Variants in ETFA observed in about 807,000 individuals in gnomAD.
ETFA encodes the protein electron transfer flavoprotein subunit alpha, mitochondrial.
Under a neutral mutation model 46.2 loss-of-function variants are expected in ETFA, and 22 were observed. The observed-to-expected ratio is 0.48, with a 90% CI of 0.34 to 0.68. The LOEUF is 0.68. Among genes scored for constraint, ETFA ranks in the 30% least tolerant of loss-of-function variants. The pLI is 0.01. For missense variants in ETFA, 345 were observed against 401.1 expected (o/e 0.86, Z 1.19); for synonymous variants, 131 against 139.9 (o/e 0.94, Z 0.45).
At chr15:76,305,862 G>GC (rs1332057753) in intron 1 of ETFA, among the ~76,000 whole-genome samples, 2 of 143,774 alleles carry the variant, frequency 1.4e-5, no homozygotes, top group African/African-American at 5.1e-5. Flanking sequence ...CTCAATAGTT[G>GC]TTTTTTTTTT....
chr15:76,289,972 A>C (rs2039743241), intron 4 of ETFA, among the ~76,000 whole-genome samples: 1 of 152,250 alleles, frequency 6.6e-6, no homozygotes, highest in Non-Finnish European at 1.5e-5. Context: ...AAGGCTCATG[A>C]AATTATTTAA....
rs1029010031 is a variant in ETFA at position 76,310,906 on chromosome 15, T to G, written c.39+444A>C. 3.0e-5 allele frequency among the ~76,000 whole-genome samples: 4 copies of G among 132,438 alleles called. No individual in the cohort carries two copies. The Admixed American group carries it at 3.2e-4, about 11-fold the overall frequency. The allele number at this position is 132,438 out of a possible 152,430, so 86.9% of individuals were successfully genotyped here. A position where few individuals can be genotyped will look rare whatever the true frequency, so the allele number is the denominator to read the frequency against. On this transcript the variant is annotated intron_variant, in intron 1 of 11. Coordinates refer to ENST00000557943, the MANE Select transcript of ETFA (RefSeq NM_000126.4). ...CGGAGTAGCCACGATGCGCCCAAAG[T>G]GTTTAATTCTTCCAGAAATGCCGGC...
chr15:76,253,410 T>C (rs1430392713), intron 9 of ETFA, among the ~76,000 whole-genome samples: 1 of 152,196 alleles, frequency 6.6e-6, no homozygotes, highest in Non-Finnish European at 1.5e-5. Flanking sequence ...TTGTGTCCCC[T>C]TACTTTATGA....
intron 9 of ETFA, among the ~76,000 whole-genome samples, chr15:76,262,683 C>T (rs527780769): frequency 6.6e-5 from 10 of 151,892 alleles, no homozygotes; most frequent in Non-Finnish European, 1.0e-4. Flanking sequence ...GGGGTTTCAC[C>T]GTGTAATCCA....
intron 9 of ETFA, among the ~76,000 whole-genome samples, chr15:76,233,244 G>A (rs1290029980): frequency 6.6e-6 from 1 of 150,552 alleles, no homozygotes; most frequent in African/African-American, 2.4e-5. Flanking sequence ...ACATCATACT[G>A]TCTCTCAGAC....
intron 2 of ETFA, among the ~76,000 whole-genome samples, chr15:76,293,648 T>C (rs563231281): frequency 6.6e-6 from 1 of 152,342 alleles, no homozygotes; most frequent in South Asian, 2.1e-4. Context: ...CATACTATCG[T>C]CTTCTGTCTC....
At chr15:76,249,555 C>A (rs1448945160) in intron 9 of ETFA, among the ~76,000 whole-genome samples, 1 of 151,296 alleles carries the variant, frequency 6.6e-6, no homozygotes, top group African/African-American at 2.4e-5. Flanking sequence ...CATTCTCCTG[C>A]CTCAGCCTCC....
intron 9 of ETFA, chr15:76,261,596 A>G (rs2039413878): frequency 6.1e-6 from 3 of 493,260 alleles, no homozygotes; most frequent in Non-Finnish European, 1.1e-5. Context: ...GGACTCTGGG[A>G]GCAGCAGAGA....
intron 9 of ETFA, among the ~76,000 whole-genome samples, chr15:76,237,589 T>C (rs1458196639): frequency 1.3e-5 from 2 of 152,202 alleles, no homozygotes; most frequent in Non-Finnish European, 2.9e-5. Context: ...ACTGCTGTTA[T>C]GTGTAAAATG....
At chr15:76,239,217 AC>A in intron 9 of ETFA, among the ~76,000 whole-genome samples, 1 of 152,170 alleles carries the variant, frequency 6.6e-6, no homozygotes, top group South Asian at 2.1e-4. Context: ...AAAATTATAC[AC>A]ACCTAGTAAA....
chr15:76,293,817 G>A (rs1445387551), intron 2 of ETFA, among the ~76,000 whole-genome samples: 2 of 152,182 alleles, frequency 1.3e-5, no homozygotes, highest in East Asian at 3.8e-4. Context: ...GTGTTCACCG[G>A]CATACCATTT....
rs574217617 is a variant in ETFA, at chr15:76,229,694, C to G, written c.882+1639G>C. Among the ~76,000 whole-genome samples, 94 of 152,248 alleles carry G rather than the reference C, an allele frequency of 6.2e-4. 1 individual carries two copies. In the South Asian group the frequency reaches 9.1e-3, roughly 15 times the overall value. On this transcript the variant is annotated intron_variant, in intron 10 of 11. Transcript: ENST00000557943. ...TAGTTCAGTAAAGAAACCTACCATC[C>G]AACTGTAAAATCTGACTGGTTTTGG...
chr15:76,259,450 C>A, intron 9 of ETFA: 1 of 983,264 alleles, frequency 1.0e-6, no homozygotes, highest in Non-Finnish European at 1.7e-6. Context: ...TCCATACACT[C>A]TGGAAGCTGT....
chr15:76,307,488 CCTT>C (rs2039949444), intron 1 of ETFA, among the ~76,000 whole-genome samples: 1 of 124,386 alleles, frequency 8.0e-6, no homozygotes, highest in Non-Finnish European at 1.7e-5. Context: ...ACCATCTTAA[CCTT>C]TTTTTTTTTT....
At chr15:76,308,207 C>CA (rs2039956186) in intron 1 of ETFA, among the ~76,000 whole-genome samples, 1 of 152,078 alleles carries the variant, frequency 6.6e-6, no homozygotes, top group South Asian at 2.1e-4. Flanking sequence ...AGAAAATCAC[C>CA]ATTTTGCATC....
In ETFA at chr15:76,216,840, C is replaced by CTTTTTTTTTTTT. The variant is rs373144812; in HGVS notation, c.964-255_964-244dup. The stretch of plus-strand genomic sequence containing the variant: ...CACTCATTGCCTAGGTGCCTTTTGC[C>CTTTTTTTTTTTT]TTTTTTTTTTTTTTTTTTTTTTTGA... On this transcript the variant is annotated intron_variant, in intron 11 of 11. Transcript: ENST00000557943. 6.7e-5 allele frequency among the ~76,000 whole-genome samples: 6 copies of CTTTTTTTTTTTT among 89,278 alleles called. 1 individual carries two copies. Among genetic ancestry groups the CTTTTTTTTTTTT allele is most frequent in the Non-Finnish European group, 4.0e-5 (2 of 49,630 alleles). The allele number at this position is 89,278 out of a possible 152,430, so 58.6% of individuals were successfully genotyped here. A position where few individuals can be genotyped will look rare whatever the true frequency, so the allele number is the denominator to read the frequency against.
intron 9 of ETFA, among the ~76,000 whole-genome samples, chr15:76,264,666 C>CA (rs1390554028): frequency 6.6e-6 from 1 of 152,190 alleles, no homozygotes; most frequent in Non-Finnish European, 1.5e-5. Context: ...TGCTATTAGA[C>CA]ACCTGAGAGG....
intron 9 of ETFA, chr15:76,261,483 C>A: frequency 1.2e-6 from 1 of 817,716 alleles, no homozygotes; most frequent in Non-Finnish European, 2.0e-6. Flanking sequence ...GGATGTCAGG[C>A]TCCTCCATCC....
chr15:76,299,414 G>A (rs373426550), intron 1 of ETFA, among the ~76,000 whole-genome samples: 2 of 152,028 alleles, frequency 1.3e-5, no homozygotes, highest in African/African-American at 4.8e-5. Context: ...CTCCCAAGTC[G>A]CTGGGACCAC....
Sources: gnomAD v4.1 joint callset for allele counts (sites outside exome capture counted in the v4.1 genomes callset) on GRCh38, gnomAD v4.1.1 for gene constraint, MANE v1.5 for transcripts, NCBI Gene and HGNC (gene_info 2026-07-23, HGNC 2026-07-21) for gene names.